Variants in ZNF577 observed in about 807,000 individuals in gnomAD.
The protein encoded by ZNF577 is zinc finger protein 577.
A neutral mutation model predicts 13.9 loss-of-function variants in ZNF577; 14 were observed. The observed-to-expected ratio is 1.00, with a 90% confidence interval of 0.66 to 1.57. The LOEUF is 1.57. ZNF577 is among the 40% of genes most tolerant of loss of function. ZNF577 has a pLI of 0.00. For missense variants in ZNF577, 555 were observed against 579.2 expected, an observed-to-expected ratio of 0.96 and a Z score of 0.43; for synonymous variants, 203 against 202.9, an observed-to-expected ratio of 1.00 and a Z score of 0.00.
chr19:51,837,673 C>T (rs73063018), intron 9 of ZNF577, among the ~76,000 whole-genome samples: 15,708 of 151,742 alleles, frequency 0.1, 1,127 homozygotes, highest in Middle Eastern at 0.16. Flanking sequence ...ACTATAGTAA[C>T]AGAAATGAGG....
chr19:51,870,160 T>TA lies in ZNF577; in HGVS notation c.*2371dup, dbSNP rs1296897060. Reference sequence around the variant, plus strand: ...TAGTTTTTATAATCCACTTGATTCATATGGGACATTTATAGCAGCTATTTC... The same window carrying TA: ...TAGTTTTTATAATCCACTTGATTCATAATGGGACATTTATAGCAGCTATTTC... On this transcript the variant is annotated 3_prime_UTR_variant, in exon 6 of 6. Transcript: ENST00000638348. Among the ~76,000 whole-genome samples the TA allele has an allele frequency of 6.6e-6, 1 of 152,252 alleles. No individual in the cohort carries two copies. The highest frequency in any genetic ancestry group is 2.4e-5 in the African/African-American group (1 of 41,470).
chr19:51,843,789 A>G (rs1264500698), intron 6 of ZNF577, among the ~76,000 whole-genome samples: 1 of 152,224 alleles, frequency 6.6e-6, no homozygotes, highest in Non-Finnish European at 1.5e-5. Context: ...CAATTAGGTA[A>G]GGCCATAATT....
At position 51,867,805 on chromosome 19, in the gene ZNF577, C is replaced by T. The variant is rs2122632853; in HGVS notation, c.*4727G>A. ...ATCTCAAATAAACAAAAAACAAAAA[C>T]AAGCAAACAAACAAAAAGAACAAAG... On this transcript the variant is annotated 3_prime_UTR_variant, in exon 6 of 6. Transcript: ENST00000638348. Among the ~76,000 whole-genome samples the T allele has an allele frequency of 6.6e-6, 1 of 151,924 alleles. No individual in the cohort carries two copies. Among genetic ancestry groups the T allele is most frequent in the East Asian group, 1.9e-4 (1 of 5,168 alleles).
intron 5 of ZNF577, among the ~76,000 whole-genome samples, chr19:51,857,497 G>A (rs552400226): frequency 2.0e-5 from 3 of 152,246 alleles, no homozygotes; most frequent in African/African-American, 4.8e-5. Context: ...ATTTTTAGAA[G>A]AGCATAGACC....
At chr19:51,843,536 G>A (rs1599849822) in intron 6 of ZNF577, among the ~76,000 whole-genome samples, 1 of 152,038 alleles carries the variant, frequency 6.6e-6, no homozygotes, top group African/African-American at 2.4e-5. Context: ...TCATTTGCCC[G>A]ATGTAAAGTG....
At chr19:51,814,742 C>G (rs2084122084) in intron 9 of ZNF577, among the ~76,000 whole-genome samples, 1 of 152,162 alleles carries the variant, frequency 6.6e-6, no homozygotes, top group African/African-American at 2.4e-5. Context: ...ATCTGCCCAC[C>G]TCGGCCTCCC....
intron 2 of ZNF577, 69 bp downstream of exon 2, chr19:51,880,610 G>A (rs1463580806): frequency 1.8e-6 from 1 of 566,142 alleles, no homozygotes; most frequent in South Asian, 2.2e-5. Flanking sequence ...CATTTAACCA[G>A]ACTGTCTTTT....
In ZNF577 at chr19:51,824,238, T is replaced by C. The variant is rs781503634; in HGVS notation, c.*600-12564A>G. The C allele has an allele frequency of 1.2e-6, 2 of 1,614,198 alleles. No individual in the cohort carries two copies. The highest frequency in any genetic ancestry group is 2.2e-5 in the East Asian group (1 of 44,882). On this transcript the variant is annotated intron_variant and NMD_transcript_variant, in intron 9 of 10. Transcript: ENST00000638827. This position sits in a 1 kb window ranked among gnomAD's most constrained non-coding sequence, Gnocchi z 4.7. ...CCTTACCTTACCAAATTTCATCTTC[T>C]GGACTACAATAAGTACTACGAATGG...
Position 51,873,028 on chromosome 19 carries a change from G to T in ZNF577, c.962C>A (p.Thr321Lys). The change falls in exon 6 of 6, where the codon ACG (threonine) becomes AAG (lysine). Residue 321 changes from threonine (T) to lysine (K), a missense_variant. Physicochemically the swap from Thr to Lys is moderately conservative, Grantham distance 78. Transcript: ENST00000638348. The stretch of plus-strand genomic sequence containing the variant: ...ACTACATTCATAAGGTTTCTCTCCC[G>T]TATGAATCCTCTGATGTCTGGTCAG... Reference protein sequence around the residue: ...SDLTRHQRIHTGEKPYECSEC... With the variant: ...SDLTRHQRIHKGEKPYECSEC... 6.2e-7 allele frequency: 1 copy of T among 1,614,116 alleles called. No homozygotes were observed. Among genetic ancestry groups the T allele is most frequent in the Non-Finnish European group, 8.5e-7 (1 of 1,180,036 alleles).
At chr19:51,864,963 CT>C (rs2084543894), downstream of ZNF577, among the ~76,000 whole-genome samples, 1 of 152,188 alleles carries the variant, frequency 6.6e-6, no homozygotes, top group East Asian at 1.9e-4. Flanking sequence ...CAACTTAAGT[CT>C]TAGGAACCAA....
chr19:51,873,301 A>G lies in ZNF577; in HGVS notation c.689T>C (p.Met230Thr). 2 of 1,614,108 alleles carry G rather than the reference A, an allele frequency of 1.2e-6. No homozygotes were observed. Among genetic ancestry groups the G allele is most frequent in the East Asian group, 2.2e-5 (1 of 44,884 alleles). The change falls in exon 6 of 6, where the codon ATG becomes ACG. Residue 230 changes from methionine to threonine, a missense_variant. By Grantham distance (81) the Met-to-Thr change is moderately conservative. Coordinates refer to ENST00000638348, the MANE Select transcript of ZNF577 (RefSeq NM_001370449.1). ...TCCTGTATGGGTTCTCTGATGGACC[A>G]TGAGCTGTGACTTTCTGGAGAAGGC... ...GKAFSRKSQL[M>T]VHQRTHTGEK...
chr19:51,886,550 T>C (rs1290123310), intron 1 of ZNF577: 2 of 151,798 alleles, frequency 1.3e-5, no homozygotes, highest in Non-Finnish European at 2.9e-5. Flanking sequence ...ATACATGAAA[T>C]TGGGAAATAG....
At chr19:51,832,893 G>A (rs567062713) in intron 9 of ZNF577, among the ~76,000 whole-genome samples, 20 of 152,236 alleles carry the variant, frequency 1.3e-4, no homozygotes, top group African/African-American at 3.1e-4. Flanking sequence ...TCTGTCTACC[G>A]TTTAGCCAAT....
rs759225776 is a variant in ZNF577 at position 51,824,180 on chromosome 19, G to A, written c.*600-12506C>T. Reference sequence around the variant, plus strand: ...ATCGCACCATGAGTCTGGCCAAGAGGGTGATGACGGGACTCTGGATTTTCA... The same window carrying A: ...ATCGCACCATGAGTCTGGCCAAGAGAGTGATGACGGGACTCTGGATTTTCA... On this transcript the variant is annotated intron_variant and NMD_transcript_variant, in intron 9 of 10. Coordinates refer to the ZNF577 transcript ENST00000638827. The surrounding 1 kb of genome is among the most constrained non-coding windows in gnomAD (Gnocchi z 4.7). The A allele has an allele frequency of 2.4e-5, 38 of 1,613,968 alleles. No individual in the cohort carries two copies. The highest frequency in any genetic ancestry group is 3.1e-5 in the Non-Finnish European group (36 of 1,179,996).
chr19:51,884,710 T>C (rs976061588), intron 1 of ZNF577, among the ~76,000 whole-genome samples: 2 of 152,198 alleles, frequency 1.3e-5, no homozygotes, highest in Admixed American at 1.3e-4. Context: ...TCTTTTCTAA[T>C]ACTTGCATTC....
chr19:51,845,024 T>C (rs2084343007), intron 5 of ZNF577: 1 of 152,190 alleles, frequency 6.6e-6, no homozygotes, highest in African/African-American at 2.4e-5. Flanking sequence ...AATTAATTCA[T>C]TTCCTATACC....
At position 51,873,324 on chromosome 19, in the gene ZNF577, G is replaced by T; in HGVS notation, c.666C>A (p.Ala222=). The part of the protein sequence containing the change: ...KPHECSECGK[A]FSRKSQLMVH... ...CCATGAGCTGTGACTTTCTGGAGAA[G>T]GCTTTTCCACATTCACTACATTCAT... The change falls in exon 6 of 6, where the codon GCC becomes GCA. Residue 222 remains alanine, a synonymous_variant. Coordinates refer to ENST00000638348, the MANE Select transcript of ZNF577 (RefSeq NM_001370449.1). 6.2e-7 allele frequency: 1 copy of T among 1,614,212 alleles called. No homozygotes were observed. Among genetic ancestry groups the T allele is most frequent in the Non-Finnish European group, 8.5e-7 (1 of 1,180,034 alleles).
chr19:51,877,339 C>G lies in ZNF577; in HGVS notation c.226G>C (p.Glu76Gln). Reference protein sequence around the residue: ...GTKPDSLFKLEQGEPPGIAEG... With the variant: ...GTKPDSLFKLQQGEPPGIAEG... ...GCTATCCCTGGGGGTTCTCCTTGCTCCAACTTGAAGAGCGAATCTGGCTTG... is the reference window on the plus strand; with the variant it reads ...GCTATCCCTGGGGGTTCTCCTTGCTGCAACTTGAAGAGCGAATCTGGCTTG... The change falls in exon 5 of 6, where the codon GAG becomes CAG. Residue 76 changes from glutamate to glutamine, a missense_variant. Transcript: ENST00000638348. 8.7e-6 allele frequency: 14 copies of G among 1,614,138 alleles called. No homozygotes were observed. The highest frequency in any genetic ancestry group is 1.2e-5 in the Non-Finnish European group (14 of 1,180,006).
intron 5 of ZNF577, chr19:51,860,519 A>G (rs1465676357): frequency 1.3e-5 from 2 of 152,822 alleles, no homozygotes; most frequent in Non-Finnish European, 2.9e-5. Context: ...TGAATTTTAA[A>G]TAAAGAATTT....
Sources: allele counts gnomAD v4.1 joint callset (sites outside exome capture counted in the v4.1 genomes callset), GRCh38; gene constraint gnomAD v4.1.1; non-coding constraint Gnocchi (gnomAD v3.1); transcripts MANE v1.5; gene names NCBI Gene and HGNC (gene_info 2026-07-23, HGNC 2026-07-21).